The following REV3L variants were observed in gnomAD, a reference collection of about 807,000 sequenced individuals.
REV3L encodes DNA polymerase zeta catalytic subunit.
Under a neutral mutation model 299.4 loss-of-function variants are expected in REV3L, and 69 were observed. The observed-to-expected ratio is 0.23, with a 90% CI of 0.19 to 0.28. The LOEUF (loss-of-function observed/expected upper bound fraction) is 0.28, where lower values mean the gene tolerates loss of function less well. REV3L is among the 10% of genes least tolerant of loss of function. The pLI is 1.00. For synonymous variants in REV3L, 1,238 were observed against 1,271.4 expected, an observed-to-expected ratio of 0.97 and a Z score of 0.56; for missense variants, 3,128 against 3,693.8, an observed-to-expected ratio of 0.85 and a Z score of 3.97.
chr6:111,392,692 TG>T, intron 5 of REV3L, 183 bp downstream of exon 5: 1 of 464,710 alleles, frequency 2.2e-6, no homozygotes, highest in East Asian at 3.2e-5. Context: ...TACATTTTCA[TG>T]GTTTGTTTTT....
Position 111,365,300 on chromosome 6 carries a change from C to A in REV3L, c.6718G>T (p.Asp2240Tyr). The A allele has an allele frequency of 6.4e-7, 1 of 1,572,290 alleles. No homozygotes were observed. Among genetic ancestry groups the A allele is most frequent in the South Asian group, 1.2e-5 (1 of 82,636 alleles). The part of the protein sequence containing the change: ...KLSNKKGSNT[D>Y]TLRRVLLTQA... ...GTTAACAGTACTCTTCTAAGAGTGT[C>A]AGTATTACTTCCTTTCTTATTACTC... The change falls in exon 15 of 32, where the codon GAC becomes TAC. Residue 2240 changes from aspartate to tyrosine, a missense_variant. By Grantham distance (160) the Asp-to-Tyr change is radical (BLOSUM62 -3). Transcript: ENST00000368802.
intron 13 of REV3L, among the ~76,000 whole-genome samples, chr6:111,370,815 C>T (rs1230475039): frequency 1.3e-5 from 2 of 152,166 alleles, no homozygotes; most frequent in Non-Finnish European, 2.9e-5. Context: ...TCATTATCAC[C>T]ATCCCCTACC....
At chr6:111,302,111 G>A (rs1256452456) in intron 31 of REV3L, among the ~76,000 whole-genome samples, 4 of 152,132 alleles carry the variant, frequency 2.6e-5, no homozygotes, top group East Asian at 3.8e-4. Context: ...GTTAACCGAA[G>A]GGCACACTTT....
chr6:111,394,708 T>C (rs1782298718), intron 4 of REV3L, among the ~76,000 whole-genome samples: 2 of 147,806 alleles, frequency 1.4e-5, no homozygotes, highest in African/African-American at 2.5e-5. Flanking sequence ...GTCCTACAAT[T>C]TTTTTTTTTT....
intron 1 of REV3L, among the ~76,000 whole-genome samples, chr6:111,450,478 CAAAAAAA>C (rs869119350): frequency 3.9e-4 from 21 of 54,108 alleles, no homozygotes; most frequent in East Asian, 2.8e-3. Context: ...GACCCTGTCT[CAAAAAAA>C]AAAAAAAAAA....
Position 111,375,330 on chromosome 6 carries a change from C to T in REV3L, c.3025G>A (p.Glu1009Lys), listed in dbSNP as rs1780191756. The change falls in exon 13 of 32, where the codon GAA becomes AAA. Residue 1009 changes from glutamate (E) to lysine (K), a missense_variant. By Grantham distance (56) the Glu-to-Lys change is moderately conservative. This residue lies in a region of REV3L where 2,409 missense variants were observed against 2,611.8 expected (regional missense o/e 0.92). Transcript: ENST00000368802. ...SKEKQVILTE[E>K]KMELYKKLAP... The stretch of plus-strand genomic sequence containing the variant: ...AGCTTTTTATATAGTTCCATTTTTT[C>T]TTCTGTTAATATTACTTGTTTTTCT... The T allele has an allele frequency of 4.4e-6, 7 of 1,578,470 alleles. No homozygotes were observed. The highest frequency in any genetic ancestry group is 1.2e-5 in the South Asian group (1 of 83,314).
chr6:111,415,943 T>C (rs1784723507), intron 2 of REV3L, among the ~76,000 whole-genome samples: 1 of 152,210 alleles, frequency 6.6e-6, no homozygotes, highest in African/African-American at 2.4e-5. Context: ...TGGGCAGGGC[T>C]CTTTGTTTTG....
At chr6:111,342,674 A>AC (rs999729096) in intron 21 of REV3L, among the ~76,000 whole-genome samples, 7 of 151,606 alleles carry the variant, frequency 4.6e-5, no homozygotes, top group Admixed American at 4.6e-4. Context: ...TCTCAAAAAA[A>AC]AAAAAAAGAA....
chr6:111,380,104 T>C lies in REV3L; in HGVS notation c.1332A>G (p.Lys444=). ...CTTCATCATCACTATTTTGTGGATA[T>C]TTATTATTTCCAAAGGAGCGACATG... is the stretch of plus-strand genomic sequence containing the variant. ...PSPCRSFGNN[K]YPQNSDDEEN... Residue 444 remains lysine, a synonymous_variant, in exon 11 of 32, where the codon AAA becomes AAG. Coordinates refer to ENST00000368802, the MANE Select transcript of REV3L (RefSeq NM_001372078.1). The C allele has an allele frequency of 6.2e-7, 1 of 1,613,974 alleles. No homozygotes were observed. The highest frequency in any genetic ancestry group is 1.1e-5 in the South Asian group (1 of 91,076).
In REV3L at chr6:111,357,065, T is replaced by C. The variant is rs779558780; in HGVS notation, c.7133A>G (p.Tyr2378Cys). 3.1e-6 allele frequency: 5 copies of C among 1,603,866 alleles called. No homozygotes were observed. Among genetic ancestry groups the C allele is most frequent in the East Asian group, 2.2e-5 (1 of 44,552 alleles). The change falls in exon 18 of 32, where the codon TAT becomes TGT. Residue 2378 changes from tyrosine (Y) to cysteine (C), a missense_variant. Physicochemically the swap from Tyr to Cys is radical, Grantham distance 194. Around this residue, in one of 9 missense-constraint regions of REV3L, gnomAD observed 82 missense variants for 142.7 expected, o/e 0.57. Transcript: ENST00000368802. The stretch of plus-strand genomic sequence containing the variant: ...AAAAAGTGCCTTCTCATCAGCAGCA[T>C]AGGTGACTTCGAGTCCTGTAATTCC... The part of the protein sequence containing the change: ...RSGITGLEVT[Y>C]AADEKALFHE...
rs9487649 is a variant in REV3L, at chr6:111,483,038, G to A, written c.-150C>T. On this transcript the variant is annotated 5_prime_UTR_variant, in exon 1 of 32. Coordinates refer to ENST00000368802, the MANE Select transcript of REV3L (RefSeq NM_001372078.1). ...CACAGAGGCACCTCGAGGAGCGGCG[G>A]GCGGGGCGGTGTAGGCGCTGCTGCC... The A allele has an allele frequency of 1.6e-3, 1,631 of 1,025,922 alleles. 13 individuals carry two copies. In the African/African-American group the frequency reaches 0.025, roughly 16 times the overall value. 63.6% of individuals were successfully genotyped at this position (1,025,922 alleles called of 1,614,324 possible).
chr6:111,351,828 T>C lies in REV3L; in HGVS notation c.7185-37A>G, dbSNP rs759984176. 2.2e-6 allele frequency: 3 copies of C among 1,348,932 alleles called. No homozygotes were observed. The South Asian group carries it at 3.6e-5, about 16-fold the overall frequency. 83.6% of individuals were successfully genotyped at this position (1,348,932 alleles called of 1,614,324 possible). A position where few individuals can be genotyped will look rare whatever the true frequency, so the allele number is the denominator to read the frequency against. ...ATTTAAAAAAGTTATATAAGTACCA[T>C]ACATTTGAACCTTTAACCAGAATAA... On this transcript the variant is annotated intron_variant, in intron 18 of 31. Coordinates refer to ENST00000368802, the MANE Select transcript of REV3L (RefSeq NM_001372078.1).
chr6:111,343,740 G>A (rs561915101), intron 21 of REV3L, among the ~76,000 whole-genome samples, 185 bp downstream of exon 21: 1 of 152,268 alleles, frequency 6.6e-6, no homozygotes, highest in East Asian at 1.9e-4. Context: ...ATGTTGGCCA[G>A]GCTGGTCTCG....
chr6:111,417,786 C>A (rs972115603), intron 1 of REV3L, among the ~76,000 whole-genome samples: 1 of 152,114 alleles, frequency 6.6e-6, no homozygotes, highest in Non-Finnish European at 1.5e-5. Flanking sequence ...TAAAGCAGAG[C>A]AAATTTAGAA....
chr6:111,367,122 T>C lies in REV3L; in HGVS notation c.6666A>G (p.Leu2222=), dbSNP rs754987725. ...RLPEAPGLSP[L]STEPKTQKLS... ...TGTTATTTGTACACTTACCTGTTGATAATGGGCTAAGGCCAGGTGCTTCAG... is the reference window on the plus strand; with the variant it reads ...TGTTATTTGTACACTTACCTGTTGACAATGGGCTAAGGCCAGGTGCTTCAG... The change falls in exon 14 of 32, where the codon TTA becomes TTG. Residue 2222 remains leucine, a synonymous_variant. Transcript: ENST00000368802. 1.3e-6 allele frequency: 2 copies of C among 1,575,484 alleles called. No homozygotes were observed. The highest frequency in any genetic ancestry group is 2.4e-5 in the South Asian group (2 of 84,080).
chr6:111,335,668 A>C lies in REV3L; in HGVS notation c.7539-58T>G, dbSNP rs920144700. 39 of 1,526,154 alleles carry C rather than the reference A, an allele frequency of 2.6e-5. No individual in the cohort carries two copies. The Admixed American group carries it at 2.7e-4, about 11-fold the overall frequency. 94.5% of individuals were successfully genotyped at this position (1,526,154 alleles called of 1,614,324 possible). A position where few individuals can be genotyped will look rare whatever the true frequency, so the allele number is the denominator to read the frequency against. ...GGGAAAAATTTGGACACTTGAAAACAGTACTTTTTTTCCTGCCAAAAATCT... is the reference window on the plus strand; with the variant it reads ...GGGAAAAATTTGGACACTTGAAAACCGTACTTTTTTTCCTGCCAAAAATCT... On this transcript the variant is annotated intron_variant, in intron 21 of 31. Coordinates refer to ENST00000368802, the MANE Select transcript of REV3L (RefSeq NM_001372078.1).
Position 111,367,140 on chromosome 6 carries a change from T to C in REV3L, c.6648A>G (p.Ala2216=). ...QRKLLERLPE[A]PGLSPLSTEP... Reference sequence around the variant, plus strand: ...CTGTTGATAATGGGCTAAGGCCAGGTGCTTCAGGAAGCCTTTCCAGAAGTT... The same window carrying C: ...CTGTTGATAATGGGCTAAGGCCAGGCGCTTCAGGAAGCCTTTCCAGAAGTT... The change falls in exon 14 of 32, where the codon GCA becomes GCG. Residue 2216 remains alanine, a synonymous_variant. Transcript: ENST00000368802. The C allele has an allele frequency of 6.2e-7, 1 of 1,602,946 alleles. No homozygotes were observed. Among genetic ancestry groups the C allele is most frequent in the Non-Finnish European group, 8.5e-7 (1 of 1,176,018 alleles).
chr6:111,360,454 A>ATATATACC (rs1778533453), intron 16 of REV3L, among the ~76,000 whole-genome samples: 1 of 150,700 alleles, frequency 6.6e-6, no homozygotes, highest in Non-Finnish European at 1.5e-5. Context: ...TGCTCATTGT[A>ATATATACC]AATTTGTTAA....
intron 1 of REV3L, among the ~76,000 whole-genome samples, chr6:111,423,624 A>G (rs1006558588): frequency 6.6e-5 from 10 of 152,200 alleles, no homozygotes; most frequent in African/African-American, 2.2e-4. Flanking sequence ...CGCATTTTAT[A>G]AAGTTCCCTG....
Sources: gnomAD v4.1 joint callset for allele counts (sites outside exome capture counted in the v4.1 genomes callset) on GRCh38, gnomAD v4.1.1 for gene constraint, gnomAD v4.1.1 regional missense constraint, MANE v1.5 for transcripts, NCBI Gene and HGNC (gene_info 2026-07-23, HGNC 2026-07-21) for gene names.